Variants in UBP1 observed in about 807,000 individuals in gnomAD.
UBP1 encodes upstream binding protein 1.
A neutral mutation model predicts 76.1 loss-of-function variants in UBP1; 22 were observed. The ratio of observed to expected loss-of-function variants is 0.29; its 90% confidence interval spans 0.21 to 0.41. The LOEUF is 0.41. Among genes scored for constraint, UBP1 ranks in the 10% least tolerant of loss-of-function variants. The probability of loss-of-function intolerance (pLI) is 1.00; values close to 1 mark genes in which losing one functional copy is unlikely to be tolerated. For missense variants in UBP1, 436 were observed against 668.1 expected, an observed-to-expected ratio of 0.65 and a Z score of 3.83; for synonymous variants, 224 against 237.1, an observed-to-expected ratio of 0.94 and a Z score of 0.51.
chr3:33,411,630 G>T lies in UBP1; in HGVS notation c.506C>A (p.Ala169Glu), dbSNP rs760848453. 2 of 1,613,940 alleles carry T rather than the reference G, an allele frequency of 1.2e-6. No homozygotes were observed. The highest frequency in any genetic ancestry group is 1.1e-5 in the South Asian group (1 of 91,078). Reference sequence around the variant, plus strand: ...TGCTGGGTCCCACAGAAATTCAACCGCATTTAACTGGCTTGGATTCGTCCT... The same window carrying T: ...TGCTGGGTCCCACAGAAATTCAACCTCATTTAACTGGCTTGGATTCGTCCT... The part of the protein sequence containing the change: ...DTRTNPSQLN[A>E]VEFLWDPAKR... Residue 169 changes from alanine to glutamate, a missense_variant, in exon 5 of 16, where the codon GCG becomes GAG. Coordinates refer to ENST00000283629, the MANE Select transcript of UBP1 (RefSeq NM_014517.5).
intron 12 of UBP1, 174 bp downstream of exon 12, chr3:33,396,871 G>A (rs2044017779): frequency 2.8e-6 from 2 of 702,868 alleles, no homozygotes. Flanking sequence ...ATCATATCTG[G>A]GCCTGCCCTG....
intron 3 of UBP1, 98 bp from the exon 4 acceptor site, chr3:33,412,925 AC>A (rs2044629079): frequency 6.7e-6 from 5 of 750,598 alleles, no homozygotes; most frequent in Admixed American, 2.0e-5. Context: ...GCAGTAGAAC[AC>A]ATACAACTAG....
At chr3:33,429,019 T>C (rs1218990151) in intron 1 of UBP1, among the ~76,000 whole-genome samples, 2 of 152,174 alleles carry the variant, frequency 1.3e-5, no homozygotes, top group Non-Finnish European at 1.5e-5. Context: ...CCTAGCTCTA[T>C]ACACAGCTCT....
At chr3:33,395,750 G>GAAAAAAAAAAAAA (rs61654235) in intron 13 of UBP1, among the ~76,000 whole-genome samples, 3 of 69,788 alleles carry the variant, frequency 4.3e-5, no homozygotes, top group East Asian at 3.3e-4. Flanking sequence ...CAGGAAAATT[G>GAAAAAAAAAAAAA]AAAAAAAAAA....
chr3:33,439,880 G>A lies in UBP1; in HGVS notation c.-32C>T. On this transcript the variant is annotated 5_prime_UTR_variant, in exon 1 of 16. Transcript: ENST00000283629. ...GCCTCGCCGTCGCCCCGCACACCGC[G>A]GCCTCCGCGTCCAGGGCGAAGGAGC... The A allele has an allele frequency of 1.2e-6, 2 of 1,608,150 alleles. No individual in the cohort carries two copies. Among genetic ancestry groups the A allele is most frequent in the South Asian group, 1.1e-5 (1 of 90,368 alleles).
intron 1 of UBP1, among the ~76,000 whole-genome samples, chr3:33,428,748 T>C (rs892922092): frequency 3.3e-5 from 5 of 151,660 alleles, no homozygotes; most frequent in Non-Finnish European, 5.9e-5. Flanking sequence ...ACCATTTCAA[T>C]TCTCTGAATC....
chr3:33,406,640 T>G (rs761428353), intron 8 of UBP1, among the ~76,000 whole-genome samples: 1 of 152,204 alleles, frequency 6.6e-6, no homozygotes, highest in Non-Finnish European at 1.5e-5. Context: ...CATTTTGCTT[T>G]TAGATATTTA....
intron 2 of UBP1, among the ~76,000 whole-genome samples, chr3:33,422,252 C>G (rs374020886): frequency 1.3e-5 from 2 of 151,934 alleles, no homozygotes; most frequent in African/African-American, 4.8e-5. Flanking sequence ...GCTATGAATC[C>G]TCTCATTAGA....
intron 1 of UBP1, among the ~76,000 whole-genome samples, chr3:33,433,327 C>T (rs1423551739): frequency 7.8e-5 from 11 of 140,622 alleles, no homozygotes; most frequent in Admixed American, 6.7e-4. Flanking sequence ...TCCCAAATTG[C>T]TGGGATTACA....
chr3:33,400,732 A>G (rs1020343821), intron 10 of UBP1, among the ~76,000 whole-genome samples: 5 of 152,172 alleles, frequency 3.3e-5, no homozygotes, highest in Non-Finnish European at 7.3e-5. Context: ...ACAAACATAC[A>G]ATAAAACAGA....
At chr3:33,405,367 T>A (rs1173257681) in intron 8 of UBP1, among the ~76,000 whole-genome samples, 2 of 152,186 alleles carry the variant, frequency 1.3e-5, no homozygotes, top group East Asian at 3.8e-4. Flanking sequence ...TTCCATAGGA[T>A]GCACTTCAAG....
At chr3:33,419,596 C>A (rs1306581547) in intron 2 of UBP1, among the ~76,000 whole-genome samples, 1 of 148,228 alleles carries the variant, frequency 6.7e-6, no homozygotes, top group African/African-American at 2.5e-5. Context: ...CCATTGCACT[C>A]CAGCCTGGGC....
intron 2 of UBP1, among the ~76,000 whole-genome samples, chr3:33,422,585 C>T (rs559151937): frequency 1.3e-5 from 2 of 151,888 alleles, no homozygotes; most frequent in African/African-American, 4.8e-5. Flanking sequence ...ATTTGCCAGG[C>T]ATGGTGTCCT....
chr3:33,417,538 T>C (rs908214525), intron 2 of UBP1, among the ~76,000 whole-genome samples: 5 of 152,354 alleles, frequency 3.3e-5, no homozygotes, highest in Non-Finnish European at 7.3e-5. Flanking sequence ...CTAAACCAAA[T>C]TTTGTTTATC....
chr3:33,395,179 C>G (rs1184181591), intron 13 of UBP1, among the ~76,000 whole-genome samples: 1 of 152,142 alleles, frequency 6.6e-6, no homozygotes, highest in African/African-American at 2.4e-5. Context: ...AAATTCAGAG[C>G]TTTTGAAGTC....
chr3:33,410,084 T>C (rs1385512113), intron 5 of UBP1, among the ~76,000 whole-genome samples: 1 of 152,232 alleles, frequency 6.6e-6, no homozygotes, highest in Non-Finnish European at 1.5e-5. Context: ...TGTGATACTT[T>C]GCCTGGGGAA....
chr3:33,426,040 G>GTATAT (rs1559690595), intron 1 of UBP1, among the ~76,000 whole-genome samples: 2 of 44,882 alleles, frequency 4.5e-5, no homozygotes, highest in African/African-American at 1.5e-4. Context: ...TATATATATA[G>GTATAT]CACTTTAAAA....
In UBP1 at chr3:33,439,528, G is replaced by A. The variant is rs866553155; in HGVS notation, c.113+208C>T. On this transcript the variant is annotated intron_variant, in intron 1 of 15. Coordinates refer to ENST00000283629, the MANE Select transcript of UBP1 (RefSeq NM_014517.5). Reference sequence around the variant, plus strand: ...GGAGCGGTCCGAGGCCGACGCTTGCGGGGCCATCCTCCCCCACCCGCCCGT... The same window carrying A: ...GGAGCGGTCCGAGGCCGACGCTTGCAGGGCCATCCTCCCCCACCCGCCCGT... 3.3e-5 allele frequency among the ~76,000 whole-genome samples: 5 copies of A among 152,204 alleles called. No homozygotes were observed. The South Asian group carries it at 8.3e-4, about 25-fold the overall frequency.
chr3:33,404,139 G>A (rs376507163), intron 8 of UBP1, among the ~76,000 whole-genome samples: 221 of 152,272 alleles, frequency 1.5e-3, no homozygotes, highest in Non-Finnish European at 2.7e-3. Context: ...GAGGCCGGGC[G>A]CGGTGGCTCA....
Sources: gnomAD v4.1 joint callset for allele counts (sites outside exome capture counted in the v4.1 genomes callset) on GRCh38, gnomAD v4.1.1 for gene constraint, MANE v1.5 for transcripts, NCBI Gene and HGNC (gene_info 2026-07-23, HGNC 2026-07-21) for gene names.